The following ABI3BP variants were observed in gnomAD, a reference collection of about 807,000 sequenced individuals.
The protein encoded by ABI3BP is ABI family member 3 binding protein.
A neutral mutation model predicts 268.6 loss-of-function variants in ABI3BP; 216 were observed. That is an observed-to-expected ratio of 0.80 (90% CI 0.72 to 0.90). ABI3BP has a LOEUF of 0.90. ABI3BP is among the 40% of genes least tolerant of loss of function. The pLI is 0.00. For synonymous variants in ABI3BP, 730 were observed against 730.0 expected (o/e 1.00, Z 0.00); for missense variants, 2,090 against 2,182.4 (o/e 0.96, Z 0.84).
At chr3:100,910,037 A>G (rs559592717) in intron 2 of ABI3BP, among the ~76,000 whole-genome samples, 1 of 152,374 alleles carries the variant, frequency 6.6e-6, no homozygotes, top group African/African-American at 2.4e-5. Context: ...CATCAATGAT[A>G]GAGTGGATAA....
chr3:100,990,912 TG>T (rs1203851752), intron 1 of ABI3BP, among the ~76,000 whole-genome samples: 8 of 152,198 alleles, frequency 5.3e-5, no homozygotes, highest in African/African-American at 1.9e-4. Context: ...GTTAGGTCAG[TG>T]GTTTCCAAAT....
chr3:100,895,526 T>C (rs997223387), intron 4 of ABI3BP, among the ~76,000 whole-genome samples: 4 of 152,306 alleles, frequency 2.6e-5, no homozygotes, highest in Non-Finnish European at 4.4e-5. Flanking sequence ...TAAATGAGGC[T>C]ACACAAACCA....
chr3:100,899,056 G>T lies in ABI3BP; in HGVS notation c.329-162C>A, dbSNP rs187513310. Reference sequence around the variant, plus strand: ...CCACATTATTACTAATTTTTGCCCAGGAATTTAAATGTGAATCAAATACCT... The same window carrying T: ...CCACATTATTACTAATTTTTGCCCATGAATTTAAATGTGAATCAAATACCT... On this transcript the variant is annotated intron_variant, in intron 3 of 67. Coordinates refer to ENST00000471714, the MANE Select transcript of ABI3BP (RefSeq NM_001375547.2). Among the ~76,000 whole-genome samples, 180 of 152,268 alleles carry T rather than the reference G, an allele frequency of 1.2e-3. 1 individual carries two copies. The highest frequency in any genetic ancestry group is 2.2e-3 in the Non-Finnish European group (150 of 68,012).
chr3:100,929,612 T>C (rs2062975578), intron 1 of ABI3BP, among the ~76,000 whole-genome samples: 1 of 152,064 alleles, frequency 6.6e-6, no homozygotes, highest in Non-Finnish European at 1.5e-5. Flanking sequence ...CTGAGTTCTT[T>C]TTTTAGAGCC....
rs1180491338 is a variant in ABI3BP, at chr3:100,817,587, CT to C, written c.3089-93del. 4.8e-6 allele frequency: 5 copies of C among 1,031,890 alleles called. No homozygotes were observed. In the African/African-American group the frequency reaches 8.1e-5, roughly 17 times the overall value. 63.9% of individuals were successfully genotyped at this position (1,031,890 alleles called of 1,614,324 possible). On this transcript the variant is annotated intron_variant, in intron 41 of 67. Transcript: ENST00000471714. Reference sequence around the variant, plus strand: ...TAAGCTTCAGAACTTAAAAGTAAGGCTTGTTTTTTGCAGATTTGGCCAAACC... The same window carrying C: ...TAAGCTTCAGAACTTAAAAGTAAGGCTGTTTTTTGCAGATTTGGCCAAACC...
chr3:100,861,281 C>T (rs970291306), intron 14 of ABI3BP, among the ~76,000 whole-genome samples: 1 of 152,152 alleles, frequency 6.6e-6, no homozygotes, highest in African/African-American at 2.4e-5. Context: ...GAGCCCATTA[C>T]ATATACTAGA....
At chr3:100,761,035 C>T (rs2095910327) in intron 63 of ABI3BP, among the ~76,000 whole-genome samples, 1 of 152,138 alleles carries the variant, frequency 6.6e-6, no homozygotes, top group Admixed American at 6.5e-5. Flanking sequence ...TCCCTTCTCC[C>T]ACCCTTCAGT....
intron 55 of ABI3BP, among the ~76,000 whole-genome samples, chr3:100,791,619 G>A (rs1429245655): frequency 6.6e-6 from 1 of 151,816 alleles, no homozygotes; most frequent in African/African-American, 2.4e-5. Flanking sequence ...TGAGAGGGCT[G>A]TCAATATGTT....
intron 38 of ABI3BP, 25 bp downstream of exon 38, chr3:100,822,564 T>C: frequency 6.5e-7 from 1 of 1,533,634 alleles, no homozygotes; most frequent in Non-Finnish European, 8.7e-7. Context: ...GCAGGGACTC[T>C]TTAAACCAGG....
chr3:100,807,777 C>T (rs1560289403), intron 50 of ABI3BP, among the ~76,000 whole-genome samples: 2 of 151,988 alleles, frequency 1.3e-5, no homozygotes, highest in Non-Finnish European at 2.9e-5. Flanking sequence ...TTGTTGTAGT[C>T]AGGCCATGTA....
At chr3:100,968,585 T>C (rs898413744) in intron 1 of ABI3BP, among the ~76,000 whole-genome samples, 3 of 152,042 alleles carry the variant, frequency 2.0e-5, no homozygotes, top group African/African-American at 7.2e-5. Context: ...TTGGTCTGTA[T>C]CTTTTAAACT....
chr3:100,910,419 TAA>T (rs11356784), intron 2 of ABI3BP, among the ~76,000 whole-genome samples: 36 of 151,578 alleles, frequency 2.4e-4, no homozygotes, highest in Admixed American at 1.8e-3. Flanking sequence ...TTAAAAAAGG[TAA>T]AAAAAAAATT....
rs1008744428 is a variant in ABI3BP, at chr3:100,759,188, C to G, written c.4851-4497G>C. 1.1e-4 allele frequency among the ~76,000 whole-genome samples: 16 copies of G among 152,132 alleles called. No individual in the cohort carries two copies. The East Asian group carries it at 3.1e-3, about 29-fold the overall frequency. ...TAGCTGTTGGTTTGAGTTGTTCAGC[C>G]GAGTTTTACCCCTAGTGTAGTCGTG... On this transcript the variant is annotated intron_variant, in intron 63 of 67. Transcript: ENST00000471714.
intron 3 of ABI3BP, 105 bp from the exon 4 acceptor site, chr3:100,898,999 GA>G: frequency 8.1e-7 from 1 of 1,231,258 alleles, no homozygotes; most frequent in South Asian, 1.6e-5. Flanking sequence ...TGCAAAATGT[GA>G]AAACATCAAG....
intron 42 of ABI3BP, 51 bp downstream of exon 42, chr3:100,817,385 G>C: frequency 1.6e-6 from 2 of 1,269,112 alleles, no homozygotes; most frequent in Non-Finnish European, 2.2e-6. Context: ...TGATGGAATG[G>C]ATTTGAAAAT....
chr3:100,827,708 G>T (rs1337666955), intron 34 of ABI3BP, among the ~76,000 whole-genome samples: 1 of 151,920 alleles, frequency 6.6e-6, no homozygotes, highest in Non-Finnish European at 1.5e-5. Context: ...TAACAAATTT[G>T]CAAAGATGCA....
intron 51 of ABI3BP, among the ~76,000 whole-genome samples, chr3:100,798,254 G>A (rs977417461): frequency 6.6e-6 from 1 of 152,106 alleles, no homozygotes; most frequent in African/African-American, 2.4e-5. Flanking sequence ...CTTTTTAACC[G>A]TGAAGTGATG....
intron 1 of ABI3BP, among the ~76,000 whole-genome samples, chr3:100,992,499 TGCAACCATAAAAA>T (rs2093099839): frequency 6.6e-6 from 1 of 152,204 alleles, no homozygotes; most frequent in African/African-American, 2.4e-5. Context: ...TACAGCAGTC[TGCAACCATAAAAA>T]GCCTTCACAG....
Position 100,786,832 on chromosome 3 carries a change from A to G in ABI3BP, c.4162+896T>C, listed in dbSNP as rs72930685. On this transcript the variant is annotated intron_variant, in intron 57 of 67. Transcript: ENST00000471714. Reference sequence around the variant, plus strand: ...ATGAATTTATAGTATTGGCCTCATTATTTGGTTTGAAGATAAGTGAATTCC... The same window carrying G: ...ATGAATTTATAGTATTGGCCTCATTGTTTGGTTTGAAGATAAGTGAATTCC... Among the ~76,000 whole-genome samples the G allele has an allele frequency of 5.1e-3, 776 of 152,242 alleles. 8 individuals carry two copies. Among genetic ancestry groups the G allele is most frequent in the African/African-American group, 0.018 (741 of 41,552 alleles).
Sources: allele counts gnomAD v4.1 joint callset (sites outside exome capture counted in the v4.1 genomes callset), GRCh38; gene constraint gnomAD v4.1.1; transcripts MANE v1.5; gene names NCBI Gene and HGNC (gene_info 2026-07-23, HGNC 2026-07-21).